Variants in PCDH15 observed in about 807,000 individuals in gnomAD.
The protein encoded by PCDH15 is protocadherin-15.
A neutral mutation model predicts 178.5 loss-of-function variants in PCDH15; 129 were observed. The ratio of observed to expected loss-of-function variants is 0.72; its 90% confidence interval spans 0.63 to 0.84. The LOEUF (loss-of-function observed/expected upper bound fraction) is 0.84. Ranked by LOEUF, PCDH15 falls within the 40% of genes least tolerant of loss-of-function variation. The pLI, the probability that PCDH15 is intolerant of heterozygous loss-of-function variation, is 0.00. For missense variants in PCDH15, 2,230 were observed against 2,099.9 expected (o/e 1.06, Z -1.21); for synonymous variants, 800 against 732.0 (o/e 1.09, Z -1.50).
At chr10:54,093,745 A>G (rs763876679) in intron 15 of PCDH15, among the ~76,000 whole-genome samples, 6 of 152,216 alleles carry the variant, frequency 3.9e-5, no homozygotes, top group Non-Finnish European at 8.8e-5. Flanking sequence ...TAGAAAATGC[A>G]TATGACTTCA....
chr10:55,328,347 T>G (rs1844090320), intron 2 of PCDH15, among the ~76,000 whole-genome samples: 1 of 151,834 alleles, frequency 6.6e-6, no homozygotes, highest in African/African-American at 2.4e-5. Flanking sequence ...CTACACAAAT[T>G]TATGTGGTGC....
intron 14 of PCDH15, among the ~76,000 whole-genome samples, chr10:54,150,597 T>A (rs983981388): frequency 1.3e-5 from 2 of 151,982 alleles, no homozygotes; most frequent in Non-Finnish European, 2.9e-5. Flanking sequence ...GTTTTACTTG[T>A]TCTTTTTTTC....
chr10:54,479,182 T>C (rs1342504027), intron 3 of PCDH15, among the ~76,000 whole-genome samples: 1 of 151,984 alleles, frequency 6.6e-6, no homozygotes, highest in East Asian at 1.9e-4. Flanking sequence ...CTCCAAAATG[T>C]TTTTTGGATC....
chr10:55,614,407 C>A (rs992686761), intron 2 of PCDH15, among the ~76,000 whole-genome samples: 3 of 152,060 alleles, frequency 2.0e-5, no homozygotes, highest in Non-Finnish European at 4.4e-5. Flanking sequence ...AAAGTTCTAT[C>A]TTATTGGAAA....
intron 28 of PCDH15, among the ~76,000 whole-genome samples, chr10:53,851,648 G>T (rs908306952): frequency 2.2e-5 from 3 of 135,656 alleles, no homozygotes; most frequent in Admixed American, 1.6e-4. Flanking sequence ...CTTCCCGAGA[G>T]ACCTTCTAAT....
At chr10:54,427,675 C>T (rs1009930044) in intron 3 of PCDH15, among the ~76,000 whole-genome samples, 6 of 152,026 alleles carry the variant, frequency 3.9e-5, no homozygotes, top group Non-Finnish European at 5.9e-5. Context: ...TGTCTCTGTA[C>T]ATAAATCTAT....
chr10:54,184,711 C>G (rs536470838), intron 12 of PCDH15, among the ~76,000 whole-genome samples: 1 of 151,848 alleles, frequency 6.6e-6, no homozygotes, highest in East Asian at 1.9e-4. Flanking sequence ...AAAAATGCCT[C>G]CAGATGTTGC....
chr10:54,700,494 G>A (rs1442535117), intron 1 of PCDH15, among the ~76,000 whole-genome samples: 1 of 152,060 alleles, frequency 6.6e-6, no homozygotes, highest in Non-Finnish European at 1.5e-5. Flanking sequence ...AGAACTGAAA[G>A]ACAAAATAGC....
intron 27 of PCDH15, among the ~76,000 whole-genome samples, chr10:53,857,977 A>G (rs2078865663): frequency 6.6e-6 from 1 of 152,096 alleles, no homozygotes; most frequent in South Asian, 2.1e-4. Context: ...ATCTATCAAC[A>G]GAATCAGGTT....
At chr10:54,550,718 C>T (rs1231710486) in intron 2 of PCDH15, among the ~76,000 whole-genome samples, 1 of 152,202 alleles carries the variant, frequency 6.6e-6, no homozygotes, top group African/African-American at 2.4e-5. Flanking sequence ...GAAATATCAG[C>T]CTTTTATTCA....
rs1428905649 is a variant in PCDH15, at chr10:54,630,220, T to A, written c.91+33952A>T. Among the ~76,000 whole-genome samples, 5 of 152,080 alleles carry A rather than the reference T, an allele frequency of 3.3e-5. No homozygotes were observed. In the East Asian group the frequency reaches 9.6e-4, roughly 29 times the overall value. ...CTTGAATAGCTAAAGCAATACTAAGTGAAGAGAAGAAAGCTGGAGGCATCA... is the reference window on the plus strand; with the variant it reads ...CTTGAATAGCTAAAGCAATACTAAGAGAAGAGAAGAAAGCTGGAGGCATCA... On this transcript the variant is annotated intron_variant, in intron 2 of 37. Coordinates refer to ENST00000644397, the MANE Select transcript of PCDH15 (RefSeq NM_001384140.1).
At chr10:55,431,966 T>C (rs1235586269) in intron 2 of PCDH15, among the ~76,000 whole-genome samples, 1 of 152,078 alleles carries the variant, frequency 6.6e-6, no homozygotes, top group Non-Finnish European at 1.5e-5. Context: ...TCTAGGGAGA[T>C]TGTAGTAAAT....
intron 2 of PCDH15, among the ~76,000 whole-genome samples, chr10:54,629,202 C>A (rs185937988): frequency 2.6e-5 from 4 of 151,964 alleles, no homozygotes; most frequent in African/African-American, 9.6e-5. Flanking sequence ...CATTTTTGTA[C>A]TTGGCAATAA....
At chr10:53,819,435 C>T (rs1420138213) in intron 33 of PCDH15, among the ~76,000 whole-genome samples, 3 of 152,034 alleles carry the variant, frequency 2.0e-5, no homozygotes, top group Middle Eastern at 6.8e-3. Context: ...GAAAGAGGTA[C>T]ATAACAGAAC....
At chr10:53,998,315 T>A (rs1333176498) in intron 20 of PCDH15, among the ~76,000 whole-genome samples, 1 of 152,204 alleles carries the variant, frequency 6.6e-6, no homozygotes, top group Admixed American at 6.5e-5. Flanking sequence ...GATTTACAAC[T>A]TGAAAAACCT....
At chr10:55,027,413 T>C (rs1840501045) in intron 2 of PCDH15, among the ~76,000 whole-genome samples, 1 of 151,726 alleles carries the variant, frequency 6.6e-6, no homozygotes, top group Non-Finnish European at 1.5e-5. Flanking sequence ...AAACTAAAAA[T>C]ATATCAGAGG....
chr10:54,812,344 C>A (rs1039612233), intron 3 of PCDH15, among the ~76,000 whole-genome samples: 2 of 150,014 alleles, frequency 1.3e-5, no homozygotes, highest in African/African-American at 4.9e-5. Flanking sequence ...GATCTCGGCT[C>A]ATTGCAACCT....
intron 2 of PCDH15, among the ~76,000 whole-genome samples, chr10:55,412,018 C>G (rs894794540): frequency 6.6e-6 from 1 of 151,856 alleles, no homozygotes; most frequent in African/African-American, 2.4e-5. Flanking sequence ...TTACAATCTG[C>G]GATGTTTGAG....
At chr10:54,681,728 C>G (rs1427461810) in intron 1 of PCDH15, among the ~76,000 whole-genome samples, 1 of 151,882 alleles carries the variant, frequency 6.6e-6, no homozygotes, top group Non-Finnish European at 1.5e-5. Context: ...CAACCAAATG[C>G]GGAGATAGGA....
Sources: gnomAD v4.1 joint callset for allele counts (sites outside exome capture counted in the v4.1 genomes callset) on GRCh38, gnomAD v4.1.1 for gene constraint, MANE v1.5 for transcripts, NCBI Gene and HGNC (gene_info 2026-07-23, HGNC 2026-07-21) for gene names.